Variants in DMC1 observed in about 807,000 individuals in gnomAD.
DMC1 encodes DNA meiotic recombinase 1, also known as meiotic recombination protein DMC1 homolog.
In DMC1, 27 loss-of-function variants were observed where a neutral mutation model predicts 50.1. The ratio of observed to expected loss-of-function variants is 0.54; its 90% confidence interval spans 0.40 to 0.74. The LOEUF is 0.74. Among genes scored for constraint, DMC1 ranks in the 30% least tolerant of loss-of-function variants. The pLI, the probability that DMC1 is intolerant of heterozygous loss-of-function variation, is 0.00. For missense variants in DMC1, 295 were observed against 420.2 expected (o/e 0.70, Z 2.60); for synonymous variants, 148 against 136.1 (o/e 1.09, Z -0.61).
chr22:38,562,283 A>T lies in DMC1; in HGVS notation c.326+4T>A. 2 of 1,587,764 alleles carry T rather than the reference A, an allele frequency of 1.3e-6. No homozygotes were observed. The highest frequency in any genetic ancestry group is 1.7e-4 in the Middle Eastern group (1 of 5,994). ...TAGTGATTATAAAAAAGTAAGATACATACTCAAATTCCTGGCTCCCGGTGG... is the reference window on the plus strand; with the variant it reads ...TAGTGATTATAAAAAAGTAAGATACTTACTCAAATTCCTGGCTCCCGGTGG... On this transcript the variant is annotated splice_donor_region_variant and intron_variant, in intron 5 of 13. Transcript: ENST00000216024.
intron 4 of DMC1, among the ~76,000 whole-genome samples, chr22:38,563,101 G>A (rs1181416324): frequency 1.3e-5 from 2 of 152,156 alleles, no homozygotes; most frequent in Non-Finnish European, 2.9e-5. Context: ...AAAGCAGAGG[G>A]TATTTTACTA....
chr22:38,557,089 G>GT (rs1401635815), intron 5 of DMC1, among the ~76,000 whole-genome samples: 13 of 152,142 alleles, frequency 8.5e-5, no homozygotes, highest in African/African-American at 3.1e-4. Context: ...TGTTACATAG[G>GT]TAAACGTGTG....
intron 12 of DMC1, among the ~76,000 whole-genome samples, chr22:38,523,724 C>T (rs111718029): frequency 3.3e-5 from 5 of 151,700 alleles, no homozygotes; most frequent in African/African-American, 1.2e-4. Flanking sequence ...GCTGAGATTG[C>T]GCCACTGTAC....
chr22:38,543,037 A>G (rs2090303525), intron 8 of DMC1, among the ~76,000 whole-genome samples: 1 of 152,162 alleles, frequency 6.6e-6, no homozygotes. Context: ...ATCTCTCACC[A>G]TATACAAAAA....
chr22:38,523,906 A>T (rs1602712197), intron 12 of DMC1, among the ~76,000 whole-genome samples: 1 of 152,342 alleles, frequency 6.6e-6, no homozygotes, highest in South Asian at 2.1e-4. Context: ...AATTTCTATC[A>T]AAAGGAGCTA....
At position 38,529,253 on chromosome 22, in the gene DMC1, C is replaced by T. The variant is rs564237563; in HGVS notation, c.837-7529G>A. 3.3e-5 allele frequency among the ~76,000 whole-genome samples: 5 copies of T among 152,272 alleles called. No homozygotes were observed. In the South Asian group the frequency reaches 1.0e-3, roughly 32 times the overall value. On this transcript the variant is annotated intron_variant, in intron 12 of 13. Coordinates refer to ENST00000216024, the MANE Select transcript of DMC1 (RefSeq NM_007068.4). ...CTTGAACTCCTGACCTCATGATCCA[C>T]CTGCCTCGGCCTCCCAAAGCACTGG...
chr22:38,546,790 G>A (rs1019394062), intron 8 of DMC1, among the ~76,000 whole-genome samples: 1 of 152,198 alleles, frequency 6.6e-6, no homozygotes. Flanking sequence ...GATGGGGATG[G>A]AAGGAGCAAA....
At chr22:38,533,167 T>C (rs2090171881) in intron 12 of DMC1, among the ~76,000 whole-genome samples, 2 of 151,630 alleles carry the variant, frequency 1.3e-5, no homozygotes, top group Admixed American at 6.6e-5. Flanking sequence ...CTGAGGCAGA[T>C]GGATCACGAG....
intron 12 of DMC1, among the ~76,000 whole-genome samples, chr22:38,533,206 C>T (rs575136427): frequency 9.2e-5 from 14 of 151,806 alleles, no homozygotes; most frequent in Non-Finnish European, 1.8e-4. Context: ...TCCTGGCTAA[C>T]ACGGTGAAAC....
At chr22:38,530,376 G>C (rs936211450) in intron 12 of DMC1, among the ~76,000 whole-genome samples, 1 of 152,026 alleles carries the variant, frequency 6.6e-6, no homozygotes, top group Non-Finnish European at 1.5e-5. Flanking sequence ...AAGAAGTTTT[G>C]TTAAGTAATT....
chr22:38,563,550 TTCTCTA>T (rs1335827539), intron 4 of DMC1, among the ~76,000 whole-genome samples: 2 of 152,002 alleles, frequency 1.3e-5, no homozygotes, highest in Non-Finnish European at 2.9e-5. Flanking sequence ...CTCAATCACT[TTCTCTA>T]TCTCTAAGAA....
chr22:38,552,697 A>G lies in DMC1; in HGVS notation c.390T>C (p.Thr130=). ...AITEAFGEFR[T]GKTQLSHTLC... ...GGGTATGAGAAAGCTGGGTTTTTCC[A>G]GTACGAAATTCTGTGAAATACAGAA... Residue 130 remains threonine, a synonymous_variant, in exon 7 of 14, where the codon ACT becomes ACC. Transcript: ENST00000216024. 6.3e-7 allele frequency: 1 copy of G among 1,591,222 alleles called. No individual in the cohort carries two copies. The highest frequency in any genetic ancestry group is 8.6e-7 in the Non-Finnish European group (1 of 1,159,558).
intron 5 of DMC1, among the ~76,000 whole-genome samples, chr22:38,557,711 G>A (rs2090481962): frequency 6.6e-6 from 1 of 152,012 alleles, no homozygotes; most frequent in African/African-American, 2.4e-5. Flanking sequence ...AATAACCTGT[G>A]CATATTTGCT....
Position 38,550,400 on chromosome 22 carries a change from G to A in DMC1, c.422-403C>T, listed in dbSNP as rs1419129190. On this transcript the variant is annotated intron_variant, in intron 7 of 13. Coordinates refer to ENST00000216024, the MANE Select transcript of DMC1 (RefSeq NM_007068.4). Reference sequence around the variant, plus strand: ...GCAATCTCAGCTCACTGCAATCTCCGCCTCCCGGGTTCAAGCAATTCTTCT... The same window carrying A: ...GCAATCTCAGCTCACTGCAATCTCCACCTCCCGGGTTCAAGCAATTCTTCT... Among the ~76,000 whole-genome samples, 8 of 145,584 alleles carry A rather than the reference G, an allele frequency of 5.5e-5. No individual in the cohort carries two copies. The South Asian group carries it at 1.7e-3, about 31-fold the overall frequency.
intron 4 of DMC1, among the ~76,000 whole-genome samples, chr22:38,563,163 G>C (rs1323630934): frequency 6.6e-6 from 1 of 152,130 alleles, no homozygotes; most frequent in Non-Finnish European, 1.5e-5. Context: ...AGCTGTAGAA[G>C]TTTCAAGGGG....
At chr22:38,542,734 C>A (rs1380969951) in intron 8 of DMC1, among the ~76,000 whole-genome samples, 3 of 152,124 alleles carry the variant, frequency 2.0e-5, no homozygotes, top group Non-Finnish European at 1.5e-5. Context: ...ACAAAAGACC[C>A]AGAATAGCCA....
downstream of DMC1, among the ~76,000 whole-genome samples, chr22:38,518,135 G>A (rs1303395679): frequency 1.3e-5 from 2 of 152,048 alleles, no homozygotes; most frequent in African/African-American, 4.8e-5. Context: ...ATCGCGCCCA[G>A]TTAATTTCAT....
In DMC1 at chr22:38,538,614, T is replaced by G; in HGVS notation, c.587-2A>C. 6.2e-7 allele frequency: 1 copy of G among 1,610,952 alleles called. No individual in the cohort carries two copies. The highest frequency in any genetic ancestry group is 8.5e-7 in the Non-Finnish European group (1 of 1,177,136). On this transcript the variant is annotated splice_acceptor_variant, in intron 9 of 13. Coordinates refer to ENST00000216024, the MANE Select transcript of DMC1 (RefSeq NM_007068.4). LOFTEE classifies it high-confidence loss of function. ...CAAGTAGCTCCATCTGATGTTCACC[T>G]GATGGGAAATGCAGTGAGAAAATGT...
intron 10 of DMC1, 46 bp from the exon 11 acceptor site, chr22:38,538,455 G>C: frequency 6.2e-7 from 1 of 1,606,994 alleles, no homozygotes; most frequent in Non-Finnish European, 8.5e-7. Flanking sequence ...GGAAATTGAA[G>C]GAAGACGTTA....
Sources: gnomAD v4.1 joint callset for allele counts (sites outside exome capture counted in the v4.1 genomes callset) on GRCh38, gnomAD v4.1.1 for gene constraint, MANE v1.5 for transcripts, NCBI Gene and HGNC (gene_info 2026-07-23, HGNC 2026-07-21) for gene names.